The following SHOC2 variants were observed in gnomAD, a reference collection of about 807,000 sequenced individuals.
SHOC2 encodes the protein SHOC2 leucine rich repeat scaffold protein, also known as leucine-rich repeat protein SHOC-2.
In SHOC2, 4 loss-of-function variants were observed where a neutral mutation model predicts 50.2. The ratio of observed to expected loss-of-function variants is 0.08; its 90% CI spans 0.04 to 0.18. The LOEUF (loss-of-function observed/expected upper bound fraction) is 0.18. Ranked by LOEUF, SHOC2 falls within the 10% of genes least tolerant of loss-of-function variation. SHOC2 has a pLI of 1.00. For synonymous variants in SHOC2, 218 were observed against 244.5 expected, an observed-to-expected ratio of 0.89 and a Z score of 1.01; for missense variants, 388 against 669.6, an observed-to-expected ratio of 0.58 and a Z score of 4.64.
chr10:110,982,571 C>T (rs1369115900), intron 2 of SHOC2, among the ~76,000 whole-genome samples: 6 of 151,872 alleles, frequency 4.0e-5, no homozygotes, highest in Middle Eastern at 3.4e-3. Context: ...GATGGTATCT[C>T]ATTGTGGTTT....
At chr10:110,968,195 T>C in intron 2 of SHOC2, among the ~76,000 whole-genome samples, 1 of 152,204 alleles carries the variant, frequency 6.6e-6, no homozygotes, top group Admixed American at 6.5e-5. Context: ...GTAGTTTTGT[T>C]TTGCAGTTCC....
At position 110,990,285 on chromosome 10, in the gene SHOC2, A is replaced by G. The variant is rs528724858; in HGVS notation, c.841+4520A>G. 2.9e-4 allele frequency among the ~76,000 whole-genome samples: 44 copies of G among 152,184 alleles called. 1 individual carries two copies. In the South Asian group the frequency reaches 7.7e-3, roughly 27 times the overall value. On this transcript the variant is annotated intron_variant, in intron 3 of 8. Coordinates refer to ENST00000369452, the MANE Select transcript of SHOC2 (RefSeq NM_007373.4). ...TAGCTCAGGGATTGTAAATACACCA[A>G]TCAGCACCCTGTGTTTAGCTCAAGG... is the stretch of plus-strand genomic sequence containing the variant.
chr10:110,936,728 C>T (rs575650254), intron 1 of SHOC2: 16 of 930,090 alleles, frequency 1.7e-5, no homozygotes, highest in African/African-American at 3.2e-5. Context: ...TTTCTTCTTC[C>T]GGTAGTGGAT....
chr10:110,966,866 TATC>T (rs1168331765), intron 2 of SHOC2, among the ~76,000 whole-genome samples: 1 of 152,172 alleles, frequency 6.6e-6, no homozygotes, highest in Non-Finnish European at 1.5e-5. Flanking sequence ...AAAATGGTAA[TATC>T]ATAAATGTTG....
intron 3 of SHOC2, among the ~76,000 whole-genome samples, chr10:110,990,702 T>C (rs1207723414): frequency 6.6e-6 from 1 of 151,916 alleles, no homozygotes; most frequent in African/African-American, 2.4e-5. Flanking sequence ...TTCCACACTG[T>C]GGAAGCTTTG....
chr10:110,956,217 G>A (rs1847459328), intron 1 of SHOC2, among the ~76,000 whole-genome samples: 1 of 151,232 alleles, frequency 6.6e-6, no homozygotes, highest in African/African-American at 2.4e-5. Flanking sequence ...ACGGAGTTTC[G>A]CTCTTGTCAC....
In SHOC2 at chr10:110,960,107, A is replaced by G. The variant is rs192853916; in HGVS notation, c.-234-4018A>G. On this transcript the variant is annotated intron_variant, in intron 1 of 8. Transcript: ENST00000369452. ...CATAAAAATATAGTTCCTGAAAGGA[A>G]TGATTTAAAACCTGACACTGACTTA... Among the ~76,000 whole-genome samples, 750 of 152,366 alleles carry G rather than the reference A, an allele frequency of 4.9e-3. 3 individuals carry two copies. Among genetic ancestry groups the G allele is most frequent in the African/African-American group, 0.017 (722 of 41,576 alleles).
chr10:111,009,271 T>C lies in SHOC2; in HGVS notation c.1308T>C (p.Leu436=). The change falls in exon 7 of 9, where the codon CTT becomes CTC. Residue 436 remains leucine (L), a synonymous_variant. Coordinates refer to ENST00000369452, the MANE Select transcript of SHOC2 (RefSeq NM_007373.4). ...SLEVLILSNN[L]LKKLPHGLGN... ...AGGTTCTTATCTTATCAAACAATCT[T>C]CTAAAGAAGCTTCCCCATGGTCTTG... The C allele has an allele frequency of 6.3e-7, 1 of 1,580,136 alleles. No homozygotes were observed. Among genetic ancestry groups the C allele is most frequent in the Non-Finnish European group, 8.7e-7 (1 of 1,149,736 alleles).
At chr10:111,004,520 G>T in intron 4 of SHOC2, 86 bp from the exon 5 acceptor site, 1 of 950,472 alleles carries the variant, frequency 1.1e-6, no homozygotes, top group Non-Finnish European at 1.7e-6. Flanking sequence ...AAAGCCCTTT[G>T]AGGCATTTGT....
chr10:110,944,239 G>A (rs1299035013), intron 1 of SHOC2, among the ~76,000 whole-genome samples: 1 of 151,462 alleles, frequency 6.6e-6, no homozygotes, highest in Non-Finnish European at 1.5e-5. Context: ...TTTTTATTTT[G>A]AAGTTGGTAC....
In SHOC2 at chr10:111,007,533, C is replaced by T. The variant is rs544426978; in HGVS notation, c.1164C>T (p.Asp388=). Residue 388 remains aspartate, a splice_region_variant and synonymous_variant, in exon 6 of 9, where the codon GAC becomes GAT. Coordinates refer to ENST00000369452, the MANE Select transcript of SHOC2 (RefSeq NM_007373.4). ...AKVLSKLNMK[D]NQLTSLPLDF... Reference sequence around the variant, plus strand: ...ATGCTTCTTTTTGTCTTTGCCAGGACAATCAGTTAACATCACTTCCCTTGG... The same window carrying T: ...ATGCTTCTTTTTGTCTTTGCCAGGATAATCAGTTAACATCACTTCCCTTGG... 37 of 1,613,572 alleles carry T rather than the reference C, an allele frequency of 2.3e-5. No individual in the cohort carries two copies. In the East Asian group the frequency reaches 8.3e-4, roughly 36 times the overall value.
chr10:110,979,884 T>TTTG (rs10672369), intron 2 of SHOC2, among the ~76,000 whole-genome samples: 148,217 of 152,064 alleles, frequency 0.97, 72,333 homozygotes, highest in East Asian at 1. Context: ...ATCAGAGAAT[T>TTTG]TTGTTGTTGT....
At chr10:111,009,549 C>T (rs947616793) in intron 7 of SHOC2, among the ~76,000 whole-genome samples, 164 bp downstream of exon 7, 1 of 152,098 alleles carries the variant, frequency 6.6e-6, no homozygotes, top group African/African-American at 2.4e-5. Flanking sequence ...GTTTTCCTAA[C>T]AAATGGTATT....
At position 110,970,999 on chromosome 10, in the gene SHOC2, G is replaced by T. The variant is rs753432100; in HGVS notation, c.703+5938G>T. 1.3e-4 allele frequency among the ~76,000 whole-genome samples: 19 copies of T among 151,918 alleles called. 1 individual carries two copies. The highest frequency in any genetic ancestry group is 2.5e-4 in the Non-Finnish European group (17 of 67,964). ...GTTTGCATATATTTTCTTTCATTCT[G>T]CAGGTTGTCTCTTCAGTCTTTGTTT... is the stretch of plus-strand genomic sequence containing the variant. On this transcript the variant is annotated intron_variant, in intron 2 of 8. Coordinates refer to ENST00000369452, the MANE Select transcript of SHOC2 (RefSeq NM_007373.4).
intron 2 of SHOC2, among the ~76,000 whole-genome samples, chr10:110,966,693 T>A (rs1216579832): frequency 1.3e-5 from 2 of 151,246 alleles, no homozygotes; most frequent in Non-Finnish European, 2.9e-5. Flanking sequence ...AAAATTGGCA[T>A]ATTTTAAGTA....
intron 1 of SHOC2, among the ~76,000 whole-genome samples, chr10:110,933,401 A>G (rs1171648586): frequency 1.3e-5 from 2 of 152,138 alleles, no homozygotes; most frequent in African/African-American, 4.8e-5. Flanking sequence ...AAGAAAAATT[A>G]ACAGTAAATA....
intron 3 of SHOC2, among the ~76,000 whole-genome samples, chr10:110,990,000 G>A (rs374755252): frequency 1.3e-5 from 2 of 152,108 alleles, no homozygotes; most frequent in Non-Finnish European, 2.9e-5. Flanking sequence ...TAATTGGAAT[G>A]GTAAAGAAGA....
At chr10:111,003,486 A>G (rs959915354) in intron 4 of SHOC2, among the ~76,000 whole-genome samples, 5 of 152,202 alleles carry the variant, frequency 3.3e-5, no homozygotes, top group South Asian at 4.1e-4. Context: ...CTTACTTCCT[A>G]CTAGGTATTG....
chr10:110,962,663 TGACA>T (rs2134118631), intron 1 of SHOC2, among the ~76,000 whole-genome samples: 1 of 152,332 alleles, frequency 6.6e-6, no homozygotes, highest in South Asian at 2.1e-4. Flanking sequence ...TTCAGCAAAG[TGACA>T]CATTTTCAGT....
Sources: gnomAD v4.1 joint callset for allele counts (sites outside exome capture counted in the v4.1 genomes callset) on GRCh38, gnomAD v4.1.1 for gene constraint, MANE v1.5 for transcripts, NCBI Gene and HGNC (gene_info 2026-07-23, HGNC 2026-07-21) for gene names.